CFAP44: variants seen among roughly 807,000 people sequenced by gnomAD.
The protein encoded by CFAP44 is cilia- and flagella-associated protein 44.
A neutral mutation model predicts 216.2 loss-of-function variants in CFAP44; 134 were observed. The ratio of observed to expected loss-of-function variants is 0.62; its 90% CI spans 0.54 to 0.72. The LOEUF (loss-of-function observed/expected upper bound fraction) is 0.72, where lower values mean the gene tolerates loss of function less well. Ranked by LOEUF, CFAP44 falls within the 30% of genes least tolerant of loss-of-function variation. The pLI is 0.00. For missense variants in CFAP44, 2,035 were observed against 2,182.1 expected, an observed-to-expected ratio of 0.93 and a Z score of 1.34; for synonymous variants, 700 against 727.6, an observed-to-expected ratio of 0.96 and a Z score of 0.61.
intron 22 of CFAP44, among the ~76,000 whole-genome samples, chr3:113,346,771 G>A (rs1391453025): frequency 6.6e-6 from 1 of 152,228 alleles, no homozygotes; most frequent in Admixed American, 6.5e-5. Context: ...CAATCAGCAG[G>A]AAATGGGCAG....
In CFAP44 at chr3:113,290,659, A is replaced by C. The variant is rs963753880; in HGVS notation, c.*898T>G. 1 of 152,242 alleles carries C rather than the reference A, an allele frequency of 6.6e-6. No individual in the cohort carries two copies. The highest frequency in any genetic ancestry group is 1.5e-5 in the Non-Finnish European group (1 of 68,044). 9.4% of individuals were successfully genotyped at this position (152,242 alleles called of 1,614,324 possible). A position where few individuals can be genotyped will look rare whatever the true frequency, so the allele number is the denominator to read the frequency against. On this transcript the variant is annotated 3_prime_UTR_variant, in exon 35 of 35. Coordinates refer to ENST00000393845, the MANE Select transcript of CFAP44 (RefSeq NM_001164496.2). ...CAAACCAAAAGGATACTCTTCAATT[A>C]GTTTAAAATGTTATGCATAATCAAA...
rs150520448 is a variant in CFAP44, at chr3:113,326,380, T to C, written c.4516+65A>G. Reference sequence around the variant, plus strand: ...AAAATAAGGTATCTAATAGGTCCCTTAGTTACCTCTCTATTTCATGTTAAT... The same window carrying C: ...AAAATAAGGTATCTAATAGGTCCCTCAGTTACCTCTCTATTTCATGTTAAT... On this transcript the variant is annotated intron_variant, in intron 28 of 34. Coordinates refer to ENST00000393845, the MANE Select transcript of CFAP44 (RefSeq NM_001164496.2). 3.4e-4 allele frequency: 474 copies of C among 1,387,010 alleles called. 2 individuals carry two copies. The African/African-American group carries it at 5.6e-3, about 16-fold the overall frequency. 85.9% of individuals were successfully genotyped at this position (1,387,010 alleles called of 1,614,324 possible). A position where few individuals can be genotyped will look rare whatever the true frequency, so the allele number is the denominator to read the frequency against.
At chr3:113,302,413 A>G (rs919466047) in intron 32 of CFAP44, among the ~76,000 whole-genome samples, 10 of 150,380 alleles carry the variant, frequency 6.6e-5, no homozygotes, top group African/African-American at 2.0e-4. Flanking sequence ...AAATTACTAT[A>G]TTAAGATTTA....
chr3:113,332,022 T>G (rs1196829823), intron 25 of CFAP44, among the ~76,000 whole-genome samples: 2 of 152,192 alleles, frequency 1.3e-5, no homozygotes, highest in Non-Finnish European at 2.9e-5. Flanking sequence ...GTGGCAGAGA[T>G]GGAAACAGAA....
intron 17 of CFAP44, 105 bp downstream of exon 17, chr3:113,379,201 T>C: frequency 1.1e-6 from 1 of 883,982 alleles, no homozygotes; most frequent in Non-Finnish European, 1.6e-6. Flanking sequence ...AAAAAATAAA[T>C]AGATAAATGA....
chr3:113,355,821 C>T (rs1950488566), intron 22 of CFAP44, among the ~76,000 whole-genome samples: 1 of 150,730 alleles, frequency 6.6e-6, no homozygotes, highest in Non-Finnish European at 1.5e-5. Context: ...ATATCTAGCA[C>T]CTACAATGTA....
intron 4 of CFAP44, among the ~76,000 whole-genome samples, chr3:113,424,311 C>T (rs1476598312): frequency 6.6e-6 from 1 of 152,136 alleles, no homozygotes; most frequent in Non-Finnish European, 1.5e-5. Context: ...TGGTGCATGC[C>T]TATAGTCCCA....
At chr3:113,399,868 C>A in intron 13 of CFAP44, 38 bp downstream of exon 13, 1 of 1,396,048 alleles carries the variant, frequency 7.2e-7, no homozygotes, top group South Asian at 1.4e-5. Flanking sequence ...CCATATTTAC[C>A]AATAGATTCT....
Position 113,291,452 on chromosome 3 carries a change from A to T in CFAP44, c.*105T>A. On this transcript the variant is annotated 3_prime_UTR_variant, in exon 35 of 35. Transcript: ENST00000393845. ...TGACTGGATCTGGTTTTACACTTTCAGGCGAGTTCAGTTTAAAGTAATAAG... is the reference window on the plus strand; with the variant it reads ...TGACTGGATCTGGTTTTACACTTTCTGGCGAGTTCAGTTTAAAGTAATAAG... 7.6e-7 allele frequency: 1 copy of T among 1,315,194 alleles called. No homozygotes were observed. The highest frequency in any genetic ancestry group is 1.0e-6 in the Non-Finnish European group (1 of 977,692). 81.5% of individuals were successfully genotyped at this position (1,315,194 alleles called of 1,614,324 possible). A position where few individuals can be genotyped will look rare whatever the true frequency, so the allele number is the denominator to read the frequency against.
chr3:113,287,084 G>C lies in CFAP44; in HGVS notation c.*4473C>G. 1.7e-6 allele frequency: 1 copy of C among 581,802 alleles called. No homozygotes were observed. The highest frequency in any genetic ancestry group is 3.1e-6 in the Non-Finnish European group (1 of 318,174). The allele number at this position is 581,802 out of a possible 1,614,324, so 36.0% of individuals were successfully genotyped here. Reference sequence around the variant, plus strand: ...AAAATAAAGAAGCTGCCACCTAACAGGAGTCACCCAGGAAAGCACCGCACA... The same window carrying C: ...AAAATAAAGAAGCTGCCACCTAACACGAGTCACCCAGGAAAGCACCGCACA... On this transcript the variant is annotated 3_prime_UTR_variant, in exon 35 of 35. Coordinates refer to ENST00000393845, the MANE Select transcript of CFAP44 (RefSeq NM_001164496.2).
rs747240980 is a variant in CFAP44 at position 113,380,892 on chromosome 3, T to G, written c.2052+7A>C. On this transcript the variant is annotated splice_region_variant and intron_variant, in intron 16 of 34. Coordinates refer to ENST00000393845, the MANE Select transcript of CFAP44 (RefSeq NM_001164496.2). The stretch of plus-strand genomic sequence containing the variant: ...TTATAAGATAATGCTTCAGGAATAT[T>G]CCATACCAGAATCTTAGATTTGACA... 2 of 1,565,008 alleles carry G rather than the reference T, an allele frequency of 1.3e-6. No individual in the cohort carries two copies. The highest frequency in any genetic ancestry group is 1.7e-6 in the Non-Finnish European group (2 of 1,157,998).
chr3:113,348,174 C>T (rs1950407222), intron 22 of CFAP44, among the ~76,000 whole-genome samples: 1 of 152,112 alleles, frequency 6.6e-6, no homozygotes, highest in South Asian at 2.1e-4. Context: ...CAGCAGGGTC[C>T]AGGGACCATT....
At chr3:113,393,683 T>C (rs1933906897) in intron 15 of CFAP44, among the ~76,000 whole-genome samples, 1 of 143,678 alleles carries the variant, frequency 7.0e-6, no homozygotes, top group African/African-American at 2.4e-5. Context: ...ACCTGGCTAA[T>C]TTTTGTATTT....
At chr3:113,328,201 A>G (rs1405526856) in intron 26 of CFAP44, among the ~76,000 whole-genome samples, 7 of 151,522 alleles carry the variant, frequency 4.6e-5, no homozygotes, top group Admixed American at 6.6e-5. Context: ...ACAAATAAAT[A>G]CGTTTCCCAA....
intron 14 of CFAP44, 71 bp from the exon 15 acceptor site, chr3:113,395,931 A>G (rs1933978765): frequency 1.9e-6 from 2 of 1,074,566 alleles, no homozygotes; most frequent in Non-Finnish European, 2.8e-6. Flanking sequence ...ACAAAAAAGC[A>G]TGTAATAACA....
At chr3:113,433,286 G>C (rs1349617384) in intron 2 of CFAP44, among the ~76,000 whole-genome samples, 1 of 151,616 alleles carries the variant, frequency 6.6e-6, no homozygotes. Context: ...AAAATTGGCT[G>C]GGTGTGGTAG....
At chr3:113,348,036 G>T (rs941119040) in intron 22 of CFAP44, among the ~76,000 whole-genome samples, 1 of 152,112 alleles carries the variant, frequency 6.6e-6, no homozygotes, top group Non-Finnish European at 1.5e-5. Flanking sequence ...GGTCTAAGAG[G>T]AAAACTAGTG....
intron 13 of CFAP44, 24 bp from the exon 14 acceptor site, chr3:113,396,751 G>A (rs755647581): frequency 1.9e-6 from 3 of 1,601,322 alleles, no homozygotes; most frequent in South Asian, 2.2e-5. Context: ...AAAGATAAGG[G>A]ACCTGAAACT....
chr3:113,436,610 T>A (rs1008420056), intron 1 of CFAP44, among the ~76,000 whole-genome samples: 1 of 152,202 alleles, frequency 6.6e-6, no homozygotes, highest in Non-Finnish European at 1.5e-5. Flanking sequence ...TGACTATGAT[T>A]GATCGATAAT....
Sources: allele counts gnomAD v4.1 joint callset (sites outside exome capture counted in the v4.1 genomes callset), GRCh38; gene constraint gnomAD v4.1.1; transcripts MANE v1.5; gene names NCBI Gene and HGNC (gene_info 2026-07-23, HGNC 2026-07-21).